Variants in ZNF605 observed in about 807,000 individuals in gnomAD.
The protein encoded by ZNF605 is zinc finger protein 605.
Under a neutral mutation model 7.9 loss-of-function variants are expected in ZNF605, and 9 were observed. The ratio of observed to expected loss-of-function variants is 1.14; its 90% CI spans 0.68 to 1.98. The LOEUF (loss-of-function observed/expected upper bound fraction) is 1.98. Among genes scored for constraint, ZNF605 ranks in the 30% most tolerant of loss-of-function variants. The probability of loss-of-function intolerance (pLI) is 0.00; values close to 1 mark genes in which losing one functional copy is unlikely to be tolerated. For synonymous variants in ZNF605, 255 were observed against 260.1 expected (o/e 0.98, Z 0.19); for missense variants, 673 against 762.4 (o/e 0.88, Z 1.38).
intron 3 of ZNF605, among the ~76,000 whole-genome samples, chr12:132,934,216 T>G (rs1952336316): frequency 6.6e-6 from 1 of 150,910 alleles, no homozygotes. Context: ...GAGGTGGAGG[T>G]TGCAGTGAGC....
chr12:132,947,008 GTTT>G (rs111996453), intron 2 of ZNF605, among the ~76,000 whole-genome samples: 5,311 of 90,362 alleles, frequency 0.059, 111 homozygotes, highest in Non-Finnish European at 0.079. Context: ...TCACCCCCTT[GTTT>G]TTTTTTGGTT....
At chr12:132,949,041 C>T (rs575129499) in intron 1 of ZNF605, among the ~76,000 whole-genome samples, 200 of 152,262 alleles carry the variant, frequency 1.3e-3, no homozygotes, top group Non-Finnish European at 2.5e-3. Context: ...TTATGGGGTG[C>T]CTGTATTAAC....
chr12:132,928,094 CTA>C (rs1197692449), intron 4 of ZNF605, among the ~76,000 whole-genome samples: 1 of 151,706 alleles, frequency 6.6e-6, no homozygotes, highest in Non-Finnish European at 1.5e-5. Flanking sequence ...TGATTATCTA[CTA>C]TGTGTCCAGA....
chr12:132,950,953 GCACACACA>G (rs62647719), intron 1 of ZNF605, among the ~76,000 whole-genome samples: 1 of 147,522 alleles, frequency 6.8e-6, no homozygotes. Flanking sequence ...ACATAGACAT[GCACACACA>G]CACTCAGACA....
Position 132,925,325 on chromosome 12 carries a change from G to T in ZNF605, c.*48C>A, listed in dbSNP as rs1220756997. On this transcript the variant is annotated 3_prime_UTR_variant, in exon 5 of 5. Transcript: ENST00000360187. ...CATGCATCCTCAAAAGTGTCAGAAA[G>T]TATGACACTTGATAGCAACCTTTCT... 6.5e-6 allele frequency: 9 copies of T among 1,387,320 alleles called. No homozygotes were observed. Among genetic ancestry groups the T allele is most frequent in the Non-Finnish European group, 7.9e-6 (8 of 1,016,490 alleles). The allele number at this position is 1,387,320 out of a possible 1,614,324, so 85.9% of individuals were successfully genotyped here. A position where few individuals can be genotyped will look rare whatever the true frequency, so the allele number is the denominator to read the frequency against.
At chr12:132,953,916 C>G in intron 1 of ZNF605, among the ~76,000 whole-genome samples, 1 of 152,070 alleles carries the variant, frequency 6.6e-6, no homozygotes, top group East Asian at 1.9e-4. Flanking sequence ...CCTCACAGAC[C>G]TCACTGCCCA....
intron 1 of ZNF605, among the ~76,000 whole-genome samples, chr12:132,949,000 A>G: frequency 6.6e-6 from 1 of 151,880 alleles, no homozygotes; most frequent in East Asian, 1.9e-4. Context: ...AGTGTAGCTC[A>G]CGCCTGCTTG....
chr12:132,923,771 ACTTCTTC>A lies in ZNF605; in HGVS notation c.*1595_*1601del, dbSNP rs1952223454. On this transcript the variant is annotated 3_prime_UTR_variant, in exon 5 of 5. Coordinates refer to ENST00000360187, the MANE Select transcript of ZNF605 (RefSeq NM_183238.4). ...ATCTTTAGCCATTATTTATTCAAATACTTCTTCATGCCTCTTCATTTTCTCCTCTCCT... is the reference window on the plus strand; with the variant it reads ...ATCTTTAGCCATTATTTATTCAAATAATGCCTCTTCATTTTCTCCTCTCCT... 2 of 152,244 alleles carry A rather than the reference ACTTCTTC, an allele frequency of 1.3e-5. No homozygotes were observed. The highest frequency in any genetic ancestry group is 4.1e-4 in the South Asian group (2 of 4,824). 9.4% of individuals were successfully genotyped at this position (152,244 alleles called of 1,614,324 possible).
chr12:132,945,831 TC>T, intron 2 of ZNF605, 34 bp from the exon 3 acceptor site: 1 of 744,650 alleles, frequency 1.3e-6, no homozygotes, highest in South Asian at 1.7e-5. Flanking sequence ...TTTTAGATGA[TC>T]TAATTAATTT....
intron 3 of ZNF605, among the ~76,000 whole-genome samples, chr12:132,938,566 G>A (rs1952392483): frequency 2.0e-5 from 3 of 152,218 alleles, no homozygotes; most frequent in Admixed American, 2.0e-4. Context: ...CTCCCGAAGT[G>A]CTGGTGAGAG....
At chr12:132,939,352 GGA>G (rs1161039073) in intron 3 of ZNF605, among the ~76,000 whole-genome samples, 1 of 152,058 alleles carries the variant, frequency 6.6e-6, no homozygotes, top group Non-Finnish European at 1.5e-5. Flanking sequence ...GTGAGGACAT[GGA>G]GAACCTTTAT....
intron 1 of ZNF605, among the ~76,000 whole-genome samples, chr12:132,954,345 GGGAGGAGAAGGGTGGGGAGC>G (rs1952608123): frequency 7.4e-6 from 1 of 134,490 alleles, no homozygotes; most frequent in African/African-American, 2.8e-5. Context: ...AGCTGGGGAG[GGGAGGAGAAGGGTGGGGAGC>G]GGGGGAGAAG....
At chr12:132,931,589 G>A (rs73431735) in intron 4 of ZNF605, among the ~76,000 whole-genome samples, 248 of 152,300 alleles carry the variant, frequency 1.6e-3, no homozygotes, top group African/African-American at 5.8e-3. Context: ...TCAGAAGAGC[G>A]TGTGAGGAAG....
At chr12:132,936,461 G>C (rs965443139) in intron 3 of ZNF605, among the ~76,000 whole-genome samples, 12 of 152,126 alleles carry the variant, frequency 7.9e-5, no homozygotes, top group African/African-American at 2.7e-4. Flanking sequence ...AACATAAAAG[G>C]ACTCACATTA....
rs1013137682 is a variant in ZNF605, at chr12:132,942,882, C to T, written c.15+2739G>A. On this transcript the variant is annotated intron_variant, in intron 3 of 4. Coordinates refer to ENST00000360187, the MANE Select transcript of ZNF605 (RefSeq NM_183238.4). ...ACTGCTGAGGCCATGTTCAGTCCTC[C>T]GGGCCCGACCATCCTGCTTGGAGTG... is the stretch of plus-strand genomic sequence containing the variant. Among the ~76,000 whole-genome samples the T allele has an allele frequency of 2.5e-3, 379 of 152,308 alleles. 1 individual carries two copies. Among genetic ancestry groups the T allele is most frequent in the African/African-American group, 8.8e-3 (366 of 41,562 alleles).
At chr12:132,942,524 A>T (rs1195155952) in intron 3 of ZNF605, among the ~76,000 whole-genome samples, 1 of 152,258 alleles carries the variant, frequency 6.6e-6, no homozygotes, top group Non-Finnish European at 1.5e-5. Context: ...CTCTGAAGTC[A>T]AGGCCTAAAC....
rs758805748 is a variant in ZNF605 at position 132,940,353 on chromosome 12, C to G, written c.15+5268G>C. 2.8e-3 allele frequency among the ~76,000 whole-genome samples: 431 copies of G among 152,276 alleles called. 1 individual carries two copies. Among genetic ancestry groups the G allele is most frequent in the Non-Finnish European group, 5.1e-3 (347 of 68,028 alleles). On this transcript the variant is annotated intron_variant, in intron 3 of 4. Transcript: ENST00000360187. Reference sequence around the variant, plus strand: ...TAAAACTCCTCTGAGGAAGCTGGCTCCTGGTTAAAAAGGTCTGTGCGAAAT... The same window carrying G: ...TAAAACTCCTCTGAGGAAGCTGGCTGCTGGTTAAAAAGGTCTGTGCGAAAT...
chr12:132,939,285 C>T (rs28835936), intron 3 of ZNF605, among the ~76,000 whole-genome samples: 1 of 151,164 alleles, frequency 6.6e-6, no homozygotes, highest in Non-Finnish European at 1.5e-5. Flanking sequence ...AATCAGCACC[C>T]TGTGTTTAGC....
intron 1 of ZNF605, among the ~76,000 whole-genome samples, chr12:132,950,787 GAC>G (rs1422470142): frequency 3.2e-4 from 49 of 151,160 alleles, no homozygotes; most frequent in African/African-American, 1.1e-3. Flanking sequence ...TGTACACACA[GAC>G]ACACTGATAC....
Sources: allele counts gnomAD v4.1 joint callset (sites outside exome capture counted in the v4.1 genomes callset), GRCh38; gene constraint gnomAD v4.1.1; transcripts MANE v1.5; gene names NCBI Gene and HGNC (gene_info 2026-07-23, HGNC 2026-07-21).